The following MNAT1 variants were observed in gnomAD, a reference collection of about 807,000 sequenced individuals.
MNAT1 encodes the protein CDK-activating kinase assembly factor MAT1.
Under a neutral mutation model 42.0 loss-of-function variants are expected in MNAT1, and 43 were observed. The observed-to-expected ratio is 1.02, with a 90% CI of 0.80 to 1.32. MNAT1 has a LOEUF of 1.32. MNAT1 is among the 40% of genes most tolerant of loss of function. The probability of loss-of-function intolerance (pLI) is 0.00; values close to 1 mark genes in which losing one functional copy is unlikely to be tolerated. For missense variants in MNAT1, 306 were observed against 350.4 expected, an observed-to-expected ratio of 0.87 and a Z score of 1.01; for synonymous variants, 118 against 120.0, an observed-to-expected ratio of 0.98 and a Z score of 0.11.
intron 6 of MNAT1, among the ~76,000 whole-genome samples, chr14:60,837,171 G>C (rs1260896112): frequency 6.6e-6 from 1 of 152,206 alleles, no homozygotes; most frequent in African/African-American, 2.4e-5. Flanking sequence ...GTGGGGGTGG[G>C]ATCCGCTGGG....
intron 1 of MNAT1, among the ~76,000 whole-genome samples, chr14:60,742,429 CAT>C (rs1162466352): frequency 3.3e-5 from 5 of 152,086 alleles, no homozygotes; most frequent in African/African-American, 1.2e-4. Context: ...TTTCTTTCAG[CAT>C]ATCTTTTATT....
intron 4 of MNAT1, among the ~76,000 whole-genome samples, chr14:60,811,307 T>C (rs2032537453): frequency 6.9e-6 from 1 of 144,512 alleles, no homozygotes; most frequent in African/African-American, 2.5e-5. Context: ...TCTTTTTTTT[T>C]TTTTTTTTTT....
At chr14:60,782,171 A>G (rs1437423660) in intron 1 of MNAT1, among the ~76,000 whole-genome samples, 1 of 152,134 alleles carries the variant, frequency 6.6e-6, no homozygotes, top group Non-Finnish European at 1.5e-5. Context: ...ATGGAGTCAA[A>G]TAGAACTTTC....
rs770714036 is a variant in MNAT1, at chr14:60,798,089, A to G, written c.245A>G (p.Tyr82Cys). 7.3e-7 allele frequency: 1 copy of G among 1,366,972 alleles called. No homozygotes were observed. Among genetic ancestry groups the G allele is most frequent in the Non-Finnish European group, 1.0e-6 (1 of 965,534 alleles). 84.7% of individuals were successfully genotyped at this position (1,366,972 alleles called of 1,614,324 possible). Residue 82 changes from tyrosine (Y) to cysteine (C), a missense_variant and splice_region_variant, in exon 3 of 8, where the codon TAC (tyrosine) becomes TGC (cysteine). Around this residue, in one of 3 missense-constraint regions of MNAT1, gnomAD observed 72 missense variants for 111.0 expected, o/e 0.65. Coordinates refer to ENST00000261245, the MANE Select transcript of MNAT1 (RefSeq NM_002431.4). Reference sequence around the variant, plus strand: ...ATTTCTTTTTTCTTTTCTTAAAGATACAATAAAAGGGAAGAAGATTTTCCT... The same window carrying G: ...ATTTCTTTTTTCTTTTCTTAAAGATGCAATAAAAGGGAAGAAGATTTTCCT... ...VEIRKKVLKI[Y>C]NKREEDFPSL...
chr14:60,892,471 T>G (rs917228695), intron 7 of MNAT1, among the ~76,000 whole-genome samples: 1 of 152,116 alleles, frequency 6.6e-6, no homozygotes, highest in Non-Finnish European at 1.5e-5. Flanking sequence ...TTTAACCTAT[T>G]TGTGATTTTG....
At chr14:60,883,977 AG>A (rs2139471404) in intron 7 of MNAT1, among the ~76,000 whole-genome samples, 1 of 151,394 alleles carries the variant, frequency 6.6e-6, no homozygotes, top group Non-Finnish European at 1.5e-5. Flanking sequence ...TGAAGTCTTT[AG>A]GTTTTTCCAA....
rs552634182 is a variant in MNAT1, at chr14:60,936,288, T to C, written c.810-31941T>C. Among the ~76,000 whole-genome samples, 16 of 152,326 alleles carry C rather than the reference T, an allele frequency of 1.1e-4. 1 individual carries two copies. In the South Asian group the frequency reaches 2.9e-3, roughly 28 times the overall value. ...TACATGTGCACAACGTGCAGGTTTG[T>C]TACGTGTGTATACATGTGTCATGTT... On this transcript the variant is annotated intron_variant, in intron 7 of 7. Coordinates refer to ENST00000261245, the MANE Select transcript of MNAT1 (RefSeq NM_002431.4).
intron 6 of MNAT1, among the ~76,000 whole-genome samples, chr14:60,840,346 G>T (rs1166122554): frequency 6.6e-6 from 1 of 152,174 alleles, no homozygotes; most frequent in African/African-American, 2.4e-5. Context: ...AAAGAACGAG[G>T]GTGGGTAAAA....
intron 1 of MNAT1, among the ~76,000 whole-genome samples, chr14:60,788,212 A>G (rs61991704): frequency 0.19 from 28,952 of 152,120 alleles, 3,496 homozygotes; most frequent in Middle Eastern, 0.27. Flanking sequence ...CATATCCATC[A>G]GAGGTCTTAG....
chr14:60,923,687 G>A (rs776916267), intron 7 of MNAT1, among the ~76,000 whole-genome samples: 12 of 151,996 alleles, frequency 7.9e-5, no homozygotes, highest in Non-Finnish European at 1.2e-4. Context: ...CTGGATTAAC[G>A]GATGGACATG....
At chr14:60,885,619 CCTTTGAGCTATTCAAGTT>C (rs1174392455) in intron 7 of MNAT1, among the ~76,000 whole-genome samples, 2 of 151,882 alleles carry the variant, frequency 1.3e-5, no homozygotes, top group African/African-American at 4.8e-5. Flanking sequence ...GTTTTGTTTG[CCTTTGAGCTATTCAAGTT>C]CTTTATATAA....
intron 7 of MNAT1, among the ~76,000 whole-genome samples, chr14:60,907,698 C>T (rs1388665685): frequency 2.8e-5 from 4 of 142,044 alleles, no homozygotes; most frequent in Non-Finnish European, 6.0e-5. Context: ...AGGAGAATTG[C>T]TTGAACCCAG....
At chr14:60,794,903 T>C (rs1030046002) in intron 1 of MNAT1, among the ~76,000 whole-genome samples, 1 of 151,974 alleles carries the variant, frequency 6.6e-6, no homozygotes, top group African/African-American at 2.4e-5. Flanking sequence ...ATTCATTTTT[T>C]TGTTTTGTGA....
intron 7 of MNAT1, among the ~76,000 whole-genome samples, chr14:60,959,283 G>T (rs931365027): frequency 6.6e-6 from 1 of 152,198 alleles, no homozygotes. Flanking sequence ...TAGCCACAAG[G>T]GCTGTTGAGG....
At chr14:60,880,710 A>G (rs917742351) in intron 7 of MNAT1, among the ~76,000 whole-genome samples, 1 of 152,180 alleles carries the variant, frequency 6.6e-6, no homozygotes, top group Admixed American at 6.5e-5. Context: ...GTTGCATAAT[A>G]TTTTACATGT....
Position 60,969,726 on chromosome 14 carries a change from G to C in MNAT1, c.*1377G>C, listed in dbSNP as rs2036747959. On this transcript the variant is annotated 3_prime_UTR_variant, in exon 8 of 8. Transcript: ENST00000261245. Reference sequence around the variant, plus strand: ...TATAAATCTGTTCAAAGAATAGTTAGAACATTGAATGTAGAGTTAAGGCTT... The same window carrying C: ...TATAAATCTGTTCAAAGAATAGTTACAACATTGAATGTAGAGTTAAGGCTT... 6.6e-6 allele frequency: 1 copy of C among 152,084 alleles called. No individual in the cohort carries two copies. The highest frequency in any genetic ancestry group is 1.5e-5 in the Non-Finnish European group (1 of 67,982). The allele number at this position is 152,084 out of a possible 1,614,324, so 9.4% of individuals were successfully genotyped here. A position where few individuals can be genotyped will look rare whatever the true frequency, so the allele number is the denominator to read the frequency against.
At chr14:60,938,719 T>C (rs1274830600) in intron 7 of MNAT1, among the ~76,000 whole-genome samples, 3 of 152,220 alleles carry the variant, frequency 2.0e-5, no homozygotes, top group Non-Finnish European at 1.5e-5. Context: ...TCTGCCCGGC[T>C]TTGGTATCAG....
intron 7 of MNAT1, among the ~76,000 whole-genome samples, chr14:60,887,352 G>A: frequency 6.9e-6 from 1 of 144,286 alleles, no homozygotes. Flanking sequence ...ACTCGTCATT[G>A]AGCATTAGGT....
intron 1 of MNAT1, among the ~76,000 whole-genome samples, chr14:60,760,864 G>A (rs1338394627): frequency 1.3e-5 from 2 of 152,166 alleles, no homozygotes; most frequent in African/African-American, 2.4e-5. Flanking sequence ...TCAGTCTTTT[G>A]TGTTCTTACC....
Sources: gnomAD v4.1 joint callset for allele counts (sites outside exome capture counted in the v4.1 genomes callset) on GRCh38, gnomAD v4.1.1 for gene constraint, gnomAD v4.1.1 regional missense constraint, MANE v1.5 for transcripts, NCBI Gene and HGNC (gene_info 2026-07-23, HGNC 2026-07-21) for gene names.